NIPBL: variants seen among roughly 807,000 people sequenced by gnomAD.
NIPBL encodes NIPBL cohesin loading factor, also known as nipped-B-like protein.
In NIPBL, 19 loss-of-function variants were observed where a neutral mutation model predicts 321.8. The ratio of observed to expected loss-of-function variants is 0.06; its 90% CI spans 0.04 to 0.09. The LOEUF is 0.09. NIPBL is among the 10% of genes least tolerant of loss of function. The pLI, the probability that NIPBL is intolerant of heterozygous loss-of-function variation, is 1.00. For synonymous variants in NIPBL, 1,106 were observed against 1,114.1 expected, an observed-to-expected ratio of 0.99 and a Z score of 0.14; for missense variants, 2,210 against 3,327.0, an observed-to-expected ratio of 0.66 and a Z score of 8.26.
chr5:36,952,049 T>TGCGCGCGC (rs1440415600), intron 1 of NIPBL, among the ~76,000 whole-genome samples: 5 of 113,786 alleles, frequency 4.4e-5, no homozygotes, highest in Non-Finnish European at 9.9e-5. Flanking sequence ...TGTGTGTGTG[T>TGCGCGCGC]GTGTGCGCGC....
chr5:36,877,657 C>T (rs999598818), intron 1 of NIPBL, among the ~76,000 whole-genome samples: 5 of 152,222 alleles, frequency 3.3e-5, no homozygotes, highest in Admixed American at 6.5e-5. Context: ...CAAACAACCT[C>T]CCTTCTTCCC....
intron 42 of NIPBL, among the ~76,000 whole-genome samples, chr5:37,053,213 C>G (rs569401764): frequency 6.6e-6 from 1 of 152,202 alleles, no homozygotes; most frequent in East Asian, 1.9e-4. Context: ...CTATATTGTT[C>G]CTGGGCTACA....
At chr5:36,904,630 G>A (rs1273260108) in intron 1 of NIPBL, among the ~76,000 whole-genome samples, 1 of 152,172 alleles carries the variant, frequency 6.6e-6, no homozygotes, top group Non-Finnish European at 1.5e-5. Context: ...GGAGGCTATA[G>A]TCTTCCTATA....
chr5:36,960,574 T>TAGTA (rs1184115385), intron 4 of NIPBL, among the ~76,000 whole-genome samples: 1 of 152,178 alleles, frequency 6.6e-6, no homozygotes, highest in African/African-American at 2.4e-5. Flanking sequence ...ATCTCTTTTG[T>TAGTA]AGTACTCTTA....
chr5:36,940,634 A>G (rs534935679), intron 1 of NIPBL, among the ~76,000 whole-genome samples: 1 of 152,124 alleles, frequency 6.6e-6, no homozygotes, highest in East Asian at 1.9e-4. Context: ...TTTCTCTTGC[A>G]GCACTTTGTT....
At chr5:37,024,832 T>G (rs1750072611) in intron 30 of NIPBL, 113 bp downstream of exon 30, 2 of 826,352 alleles carry the variant, frequency 2.4e-6, no homozygotes, top group African/African-American at 3.5e-5. Flanking sequence ...ATGAATCGTT[T>G]ATAGTTTATA....
intron 1 of NIPBL, among the ~76,000 whole-genome samples, chr5:36,889,571 A>G (rs1458763862): frequency 1.3e-5 from 2 of 152,176 alleles, no homozygotes; most frequent in African/African-American, 4.8e-5. Flanking sequence ...AAAATCACAT[A>G]TAATTTACAA....
At chr5:37,060,547 G>C (rs1445479751) in intron 44 of NIPBL, among the ~76,000 whole-genome samples, 1 of 152,160 alleles carries the variant, frequency 6.6e-6, no homozygotes, top group Non-Finnish European at 1.5e-5. Flanking sequence ...ATGCTAAGGA[G>C]TTGGAAAGAT....
chr5:36,924,162 C>T (rs1053109508), intron 1 of NIPBL, among the ~76,000 whole-genome samples: 1 of 152,028 alleles, frequency 6.6e-6, no homozygotes, highest in South Asian at 2.1e-4. Context: ...CAGCTATTTT[C>T]CTCTTGAACT....
chr5:36,958,992 A>G (rs1741296554), intron 4 of NIPBL, among the ~76,000 whole-genome samples: 1 of 152,134 alleles, frequency 6.6e-6, no homozygotes, highest in African/African-American at 2.4e-5. Flanking sequence ...GGATTGCCTC[A>G]GGCCAGGAGT....
At chr5:36,914,249 T>C (rs1195838898) in intron 1 of NIPBL, among the ~76,000 whole-genome samples, 1 of 152,254 alleles carries the variant, frequency 6.6e-6, no homozygotes, top group Non-Finnish European at 1.5e-5. Context: ...ACAGGTTGTT[T>C]GGTGAACTGT....
chr5:37,002,321 A>G (rs1246732927), intron 14 of NIPBL, among the ~76,000 whole-genome samples: 1 of 152,218 alleles, frequency 6.6e-6, no homozygotes, highest in African/African-American at 2.4e-5. Context: ...AGGGCACCCT[A>G]CTGGCCAAAC....
intron 2 of NIPBL, 91 bp from the exon 3 acceptor site, chr5:36,955,381 A>G: frequency 9.2e-7 from 1 of 1,084,690 alleles, no homozygotes; most frequent in Non-Finnish European, 1.4e-6. Context: ...ATTGATATTT[A>G]TAACTTACTT....
intron 1 of NIPBL, among the ~76,000 whole-genome samples, chr5:36,931,279 T>C (rs1580261596): frequency 6.6e-6 from 1 of 151,990 alleles, no homozygotes; most frequent in Admixed American, 6.6e-5. Flanking sequence ...ATAAGTTGTG[T>C]AATTTGTTGG....
chr5:36,932,176 T>C (rs1749825975), intron 1 of NIPBL, among the ~76,000 whole-genome samples: 1 of 152,214 alleles, frequency 6.6e-6, no homozygotes, highest in Non-Finnish European at 1.5e-5. Context: ...GTGATCAATT[T>C]TGGAGAATGT....
intron 1 of NIPBL, among the ~76,000 whole-genome samples, chr5:36,917,866 C>A (rs1175119904): frequency 6.6e-6 from 1 of 151,772 alleles, no homozygotes; most frequent in Non-Finnish European, 1.5e-5. Flanking sequence ...GGGCTCTGTT[C>A]TGTTCCATTG....
intron 6 of NIPBL, among the ~76,000 whole-genome samples, chr5:36,969,000 A>G (rs1742552646): frequency 6.6e-6 from 1 of 152,230 alleles, no homozygotes; most frequent in South Asian, 2.1e-4. Context: ...ATTATAATGA[A>G]ATCAATTGCA....
intron 1 of NIPBL, among the ~76,000 whole-genome samples, chr5:36,951,873 T>C (rs938858859): frequency 6.6e-6 from 1 of 151,910 alleles, no homozygotes; most frequent in Non-Finnish European, 1.5e-5. Flanking sequence ...TAGTAAAGAA[T>C]GTACATATAA....
chr5:36,983,095 A>G (rs1386720890), intron 9 of NIPBL, among the ~76,000 whole-genome samples: 2 of 151,964 alleles, frequency 1.3e-5, no homozygotes, highest in African/African-American at 4.8e-5. Flanking sequence ...AGAGGATTCT[A>G]TAAACATAAA....
Sources: allele counts gnomAD v4.1 joint callset (sites outside exome capture counted in the v4.1 genomes callset), GRCh38; gene constraint gnomAD v4.1.1; transcripts MANE v1.5; gene names NCBI Gene and HGNC (gene_info 2026-07-23, HGNC 2026-07-21).